Variants in PDIA6 observed in about 807,000 individuals in gnomAD.
PDIA6 encodes the protein protein disulfide-isomerase A6.
A neutral mutation model predicts 58.4 loss-of-function variants in PDIA6; 29 were observed. That is an observed-to-expected ratio of 0.50 (90% CI 0.37 to 0.68). The LOEUF is 0.68. Among genes scored for constraint, PDIA6 ranks in the 30% least tolerant of loss-of-function variants. PDIA6 has a pLI of 0.00. For synonymous variants in PDIA6, 192 were observed against 202.6 expected (o/e 0.95, Z 0.44); for missense variants, 480 against 551.0 (o/e 0.87, Z 1.29).
upstream of PDIA6, among the ~76,000 whole-genome samples, chr2:10,817,587 C>T (rs570279605): frequency 3.2e-4 from 49 of 152,356 alleles, no homozygotes; most frequent in South Asian, 1.2e-3. Context: ...CCCCGGTGGG[C>T]GCCCAAGGCC....
In PDIA6 at chr2:10,784,218, C is replaced by T. The variant is rs565556427; in HGVS notation, c.*40G>A. 2 of 1,542,604 alleles carry T rather than the reference C, an allele frequency of 1.3e-6. No homozygotes were observed. ...TCACTGCTGGAAAAATCCACTGGCT[C>T]CCAAGAAAAGAAAATGGTCTGAAGC... On this transcript the variant is annotated 3_prime_UTR_variant, in exon 13 of 13. Coordinates refer to ENST00000272227, the MANE Select transcript of PDIA6 (RefSeq NM_005742.4).
chr2:10,828,415 G>T (rs546447515), intron 1 of PDIA6, among the ~76,000 whole-genome samples: 1 of 152,144 alleles, frequency 6.6e-6, no homozygotes, highest in African/African-American at 2.4e-5. Context: ...GCAGAGTGTC[G>T]AGGCCATGGG....
intron 1 of PDIA6, among the ~76,000 whole-genome samples, chr2:10,822,470 G>C (rs763806670): frequency 2.6e-5 from 4 of 152,028 alleles, no homozygotes; most frequent in Non-Finnish European, 5.9e-5. Flanking sequence ...CACCCTGTTA[G>C]CCAGGATGGT....
intron 2 of PDIA6, among the ~76,000 whole-genome samples, chr2:10,799,066 C>A (rs1185635979): frequency 1.3e-5 from 2 of 152,146 alleles, no homozygotes; most frequent in Admixed American, 6.5e-5. Flanking sequence ...GAGAAGAGAA[C>A]ACAAGGAAAA....
Position 10,793,153 on chromosome 2 carries a change from G to C in PDIA6, c.396C>G (p.Arg132=). 5.6e-6 allele frequency: 9 copies of C among 1,614,112 alleles called. No homozygotes were observed. Among genetic ancestry groups the C allele is most frequent in the Non-Finnish European group, 6.8e-6 (8 of 1,179,982 alleles). ...AIVDAALSAL[R]QLVKDRLGGR... ...CCCCGAGGCGATCCTTCACGAGCTG[G>C]CGCAGAGCACTCAGCGCAGCATCTA... is the stretch of plus-strand genomic sequence containing the variant. Residue 132 remains arginine (R), a synonymous_variant, in exon 5 of 13, where the codon CGC becomes CGG. Coordinates refer to ENST00000272227, the MANE Select transcript of PDIA6 (RefSeq NM_005742.4).
intron 1 of PDIA6, 78 bp downstream of exon 1, chr2:10,812,600 C>A: frequency 7.3e-7 from 1 of 1,375,032 alleles, no homozygotes; most frequent in Non-Finnish European, 9.6e-7. Flanking sequence ...CCGCGGCCCG[C>A]CGGGGAACGG....
intron 2 of PDIA6, among the ~76,000 whole-genome samples, chr2:10,798,569 CA>C (rs55688359): frequency 0.41 from 57,507 of 140,344 alleles, 12,478 homozygotes; most frequent in Middle Eastern, 0.55. Flanking sequence ...CTCTGTCCCC[CA>C]CCCAAAAAAA....
At chr2:10,837,416 C>A, upstream of PDIA6, 1 of 631,780 alleles carries the variant, frequency 1.6e-6, no homozygotes, top group South Asian at 1.8e-5. Context: ...GTGAGGAAAT[C>A]AGAGAGGAAT....
intron 10 of PDIA6, 111 bp downstream of exon 10, chr2:10,788,586 A>C: frequency 2.7e-6 from 2 of 751,400 alleles, no homozygotes. Context: ...AAAAAAACAT[A>C]TAGCAGAGCA....
chr2:10,786,203 A>G (rs1004925345), intron 11 of PDIA6, among the ~76,000 whole-genome samples: 8 of 152,060 alleles, frequency 5.3e-5, no homozygotes, highest in Admixed American at 1.3e-4. Context: ...GGCGCCTGTA[A>G]TCCCAGCTAC....
chr2:10,793,212 A>G lies in PDIA6; in HGVS notation c.347-10T>C. ...TCACCAGTTCTGCCACCTACAGGAG[A>G]CGGAAGGTAGGCGGTCCTCAGCCCG... On this transcript the variant is annotated splice_polypyrimidine_tract_variant and intron_variant, in intron 4 of 12. Transcript: ENST00000272227. 6.3e-7 allele frequency: 1 copy of G among 1,589,982 alleles called. No individual in the cohort carries two copies. Among genetic ancestry groups the G allele is most frequent in the Non-Finnish European group, 8.6e-7 (1 of 1,163,084 alleles).
chr2:10,835,963 A>G (rs60313255), upstream of PDIA6, among the ~76,000 whole-genome samples: 4,806 of 152,126 alleles, frequency 0.032, 175 homozygotes, highest in East Asian at 0.13. Flanking sequence ...AGTCAAGAGA[A>G]TCACTTGAAC....
At chr2:10,784,525 C>T (rs1665607534) in intron 12 of PDIA6, 199 bp from the exon 13 acceptor site, 1 of 541,304 alleles carries the variant, frequency 1.8e-6, no homozygotes, top group Non-Finnish European at 3.2e-6. Context: ...AACATTTCAA[C>T]ATCACATCAC....
chr2:10,784,407 G>T, intron 12 of PDIA6, 81 bp from the exon 13 acceptor site: 2 of 1,060,012 alleles, frequency 1.9e-6, no homozygotes, highest in South Asian at 1.4e-5. Flanking sequence ...ATGGAAGAGC[G>T]ACTCTCTGGA....
chr2:10,823,947 G>C (rs947826269), intron 1 of PDIA6, among the ~76,000 whole-genome samples: 63 of 152,038 alleles, frequency 4.1e-4, no homozygotes, highest in Non-Finnish European at 5.9e-5. Flanking sequence ...AACCCTGAAG[G>C]CCCTTCCCAG....
chr2:10,833,941 C>T (rs902759538), upstream of PDIA6, among the ~76,000 whole-genome samples: 9 of 152,214 alleles, frequency 5.9e-5, no homozygotes, highest in South Asian at 1.9e-3. Flanking sequence ...CCTCCCAGGT[C>T]CCACCAGTGC....
chr2:10,810,396 T>C, intron 1 of PDIA6: 1 of 1,469,318 alleles, frequency 6.8e-7, no homozygotes. Context: ...GTCAGTCCTC[T>C]CCTCTTCATG....
At chr2:10,784,588 G>T in intron 12 of PDIA6, 1 of 527,854 alleles carries the variant, frequency 1.9e-6, no homozygotes, top group Non-Finnish European at 3.3e-6. Context: ...AGGAGGGTGG[G>T]ACACAACAGT....
At chr2:10,821,865 C>A (rs1667404185) in intron 1 of PDIA6, among the ~76,000 whole-genome samples, 1 of 152,136 alleles carries the variant, frequency 6.6e-6, no homozygotes, top group Admixed American at 6.5e-5. Flanking sequence ...CTCAAGTGAT[C>A]CTCCCGCCTC....
Sources: gnomAD v4.1 joint callset for allele counts (sites outside exome capture counted in the v4.1 genomes callset) on GRCh38, gnomAD v4.1.1 for gene constraint, MANE v1.5 for transcripts, NCBI Gene and HGNC (gene_info 2026-07-23, HGNC 2026-07-21) for gene names.